LPXN: variants seen among roughly 807,000 people sequenced by gnomAD.
LPXN encodes leupaxin.
A neutral mutation model predicts 45.6 loss-of-function variants in LPXN; 28 were observed. That is an observed-to-expected ratio of 0.61 (90% confidence interval 0.45 to 0.84). The LOEUF is 0.84. LPXN is among the 40% of genes least tolerant of loss of function. The pLI is 0.00. For missense variants in LPXN, 459 were observed against 475.0 expected (o/e 0.97, Z 0.31); for synonymous variants, 166 against 169.9 (o/e 0.98, Z 0.18).
intron 4 of LPXN, among the ~76,000 whole-genome samples, chr11:58,552,318 G>GA (rs200100366): frequency 8.2e-4 from 113 of 138,590 alleles, no homozygotes; most frequent in East Asian, 1.2e-3. Flanking sequence ...CAAATTAAAA[G>GA]AAAAAAAAAA....
In LPXN at chr11:58,532,048, G is replaced by A. The variant is rs952951460; in HGVS notation, c.743-3857C>T. Among the ~76,000 whole-genome samples the A allele has an allele frequency of 5.3e-5, 8 of 152,254 alleles. No individual in the cohort carries two copies. In the East Asian group the frequency reaches 7.7e-4, roughly 15 times the overall value. On this transcript the variant is annotated intron_variant, in intron 7 of 8. Transcript: ENST00000395074. ...AGCAGGCCCCGCACTCAGAGTGGCCGGCCAGCACCGCCAGCCCCAGGCAGT... is the reference window on the plus strand; with the variant it reads ...AGCAGGCCCCGCACTCAGAGTGGCCAGCCAGCACCGCCAGCCCCAGGCAGT...
chr11:58,554,673 T>A (rs571728129), intron 4 of LPXN, 168 bp downstream of exon 4: 21 of 529,608 alleles, frequency 4.0e-5, no homozygotes, highest in African/African-American at 3.7e-4. Flanking sequence ...GATGGGTTAA[T>A]TCATGGAATT....
intron 4 of LPXN, among the ~76,000 whole-genome samples, chr11:58,551,819 C>T (rs952122552): frequency 7.2e-5 from 11 of 152,022 alleles, no homozygotes; most frequent in African/African-American, 2.7e-4. Context: ...AAAGAAGGCC[C>T]CTCTAAGGAA....
intron 7 of LPXN, among the ~76,000 whole-genome samples, chr11:58,536,553 T>C (rs144636317): frequency 0.017 from 2,648 of 152,068 alleles, 86 homozygotes; most frequent in African/African-American, 0.06. Flanking sequence ...AACCATAAAA[T>C]TCCTAGAAGA....
intron 1 of LPXN, among the ~76,000 whole-genome samples, chr11:58,571,034 T>C (rs1457070968): frequency 6.6e-6 from 1 of 152,166 alleles, no homozygotes; most frequent in Non-Finnish European, 1.5e-5. Flanking sequence ...CCCACAAATA[T>C]CCTTAATTAG....
At chr11:58,570,958 C>T (rs1196839274) in intron 1 of LPXN, among the ~76,000 whole-genome samples, 2 of 152,132 alleles carry the variant, frequency 1.3e-5, no homozygotes, top group Non-Finnish European at 2.9e-5. Flanking sequence ...ATTTCATAGT[C>T]TCATGCTATA....
chr11:58,539,275 A>T (rs1321377871), intron 7 of LPXN, among the ~76,000 whole-genome samples: 2 of 152,122 alleles, frequency 1.3e-5, no homozygotes, highest in African/African-American at 2.4e-5. Context: ...GCACCTCTGA[A>T]CTCTAGCCTG....
intron 7 of LPXN, among the ~76,000 whole-genome samples, chr11:58,532,951 G>A (rs1187253079): frequency 1.3e-5 from 2 of 152,110 alleles, no homozygotes; most frequent in Non-Finnish European, 2.9e-5. Flanking sequence ...CCTGAGGCCA[G>A]CGAGACCACG....
chr11:58,534,817 C>CA (rs1194842450), intron 7 of LPXN, among the ~76,000 whole-genome samples: 1 of 151,834 alleles, frequency 6.6e-6, no homozygotes, highest in South Asian at 2.1e-4. Context: ...CAAATAGACA[C>CA]AAAAAAATGA....
chr11:58,545,964 A>G (rs1168260846), intron 7 of LPXN, among the ~76,000 whole-genome samples: 2 of 152,176 alleles, frequency 1.3e-5, no homozygotes, highest in African/African-American at 2.4e-5. Flanking sequence ...GATATTTAGG[A>G]AAGTCTCCAT....
chr11:58,550,040 T>C lies in LPXN; in HGVS notation c.593A>G (p.Tyr198Cys), dbSNP rs1285853019. The change falls in exon 6 of 9, where the codon TAC (tyrosine) becomes TGC (cysteine). Residue 198 changes from tyrosine to cysteine, a missense_variant. Tyr to Cys is a radical substitution (Grantham distance 194). Transcript: ENST00000395074. ...AAGTTGGTGGTAGTCGTTGGGGCAG[T>C]AGGCCAAGCCACTCCGCTCAAAGAA... ...SPFFERSGLA[Y>C]CPNDYHQLFS... The C allele has an allele frequency of 6.2e-7, 1 of 1,614,198 alleles. No individual in the cohort carries two copies. The highest frequency in any genetic ancestry group is 8.5e-7 in the Non-Finnish European group (1 of 1,180,036).
At position 58,575,750 on chromosome 11, in the gene LPXN, C is replaced by A; in HGVS notation, c.13+10G>T. 1 of 1,614,214 alleles carries A rather than the reference C, an allele frequency of 6.2e-7. No individual in the cohort carries two copies. The highest frequency in any genetic ancestry group is 8.5e-7 in the Non-Finnish European group (1 of 1,180,024). Reference sequence around the variant, plus strand: ...CTCCCTCAGAGTTTCTCCTCAGGCTCCTCACTCACCTAACTCTTCCATTGT... The same window carrying A: ...CTCCCTCAGAGTTTCTCCTCAGGCTACTCACTCACCTAACTCTTCCATTGT... On this transcript the variant is annotated intron_variant, in intron 1 of 8. Coordinates refer to ENST00000395074, the MANE Select transcript of LPXN (RefSeq NM_004811.3).
chr11:58,559,831 A>C (rs1018849577), intron 3 of LPXN, among the ~76,000 whole-genome samples: 2 of 152,162 alleles, frequency 1.3e-5, no homozygotes, highest in African/African-American at 4.8e-5. Flanking sequence ...AGCCAAGATA[A>C]CACCACTGTT....
chr11:58,529,240 C>A (rs1853314514), intron 7 of LPXN, among the ~76,000 whole-genome samples: 3 of 152,116 alleles, frequency 2.0e-5, no homozygotes. Context: ...AAATAACAAT[C>A]TGAAGAAAAT....
chr11:58,546,213 G>A (rs1374176212), intron 7 of LPXN, among the ~76,000 whole-genome samples: 1 of 152,254 alleles, frequency 6.6e-6, no homozygotes, highest in African/African-American at 2.4e-5. Context: ...AGATGGGAGA[G>A]GCCAATAAAA....
intron 7 of LPXN, among the ~76,000 whole-genome samples, chr11:58,539,109 C>T (rs2120242278): frequency 6.6e-6 from 1 of 152,198 alleles, no homozygotes; most frequent in African/African-American, 2.4e-5. Context: ...GAGTTCGAGA[C>T]AAGCCCTGGG....
At chr11:58,549,506 C>CTT (rs1344420939) in intron 7 of LPXN, among the ~76,000 whole-genome samples, 5 of 152,074 alleles carry the variant, frequency 3.3e-5, no homozygotes, top group African/African-American at 1.2e-4. Context: ...GAGAAAGGGA[C>CTT]TTTTTCAATA....
chr11:58,552,675 A>G (rs1032477738), intron 4 of LPXN, among the ~76,000 whole-genome samples: 5 of 152,182 alleles, frequency 3.3e-5, no homozygotes, highest in Non-Finnish European at 5.9e-5. Context: ...TCACCAATCA[A>G]AATGCTCATT....
upstream of LPXN, chr11:58,578,113 C>T (rs1854963231): frequency 6.6e-7 from 1 of 1,525,872 alleles, no homozygotes; most frequent in African/African-American, 1.4e-5. Context: ...TGGGCAGTTA[C>T]GCAGACACCC....
Sources: gnomAD v4.1 joint callset for allele counts (sites outside exome capture counted in the v4.1 genomes callset) on GRCh38, gnomAD v4.1.1 for gene constraint, MANE v1.5 for transcripts, NCBI Gene and HGNC (gene_info 2026-07-23, HGNC 2026-07-21) for gene names.